ZNF718: variants seen among roughly 807,000 people sequenced by gnomAD.
ZNF718 encodes the protein zinc finger protein 718.
In ZNF718, 3 loss-of-function variants were observed where a neutral mutation model predicts 2.6. The ratio of observed to expected loss-of-function variants is 1.16; its 90% CI spans 0.53 to 3.01. ZNF718 has a LOEUF of 3.01. Among genes scored for constraint, ZNF718 ranks in the 30% most tolerant of loss-of-function variants. ZNF718 has a pLI of 0.03. For missense variants in ZNF718, 468 were observed against 230.0 expected (o/e 2.03, Z -6.69); for synonymous variants, 135 against 77.9 (o/e 1.73, Z -3.86).
chr4:146,546 T>C (rs1716073548), intron 3 of ZNF718, among the ~76,000 whole-genome samples: 1 of 152,140 alleles, frequency 6.6e-6, no homozygotes, highest in African/African-American at 2.4e-5. Flanking sequence ...GCTACTGATA[T>C]TTTGAGCCTC....
chr4:149,843 G>A (rs1481411301), intron 3 of ZNF718: 1 of 151,942 alleles, frequency 6.6e-6, no homozygotes, highest in Non-Finnish European at 1.5e-5. Context: ...TAATTTCTGA[G>A]GAATGTAACC....
intron 3 of ZNF718, among the ~76,000 whole-genome samples, chr4:170,623 C>A (rs1456397263): frequency 6.6e-6 from 1 of 152,182 alleles, no homozygotes; most frequent in African/African-American, 2.4e-5. Flanking sequence ...GATACCCTTT[C>A]TTCCAGTTGA....
intron 3 of ZNF718, among the ~76,000 whole-genome samples, chr4:151,334 G>C (rs1212274655): frequency 6.6e-6 from 1 of 151,936 alleles, no homozygotes; most frequent in Non-Finnish European, 1.5e-5. Flanking sequence ...TCAAACTCCT[G>C]AGCTCAGGCA....
downstream of ZNF718, among the ~76,000 whole-genome samples, chr4:166,308 A>T (rs535307168): frequency 6.6e-6 from 1 of 152,184 alleles, no homozygotes; most frequent in African/African-American, 2.4e-5. Flanking sequence ...TGCGATAAAC[A>T]TATGTGTGCA....
At chr4:157,940 A>G (rs28637724) in intron 3 of ZNF718, among the ~76,000 whole-genome samples, 2,000 of 152,234 alleles carry the variant, frequency 0.013, 50 homozygotes, top group African/African-American at 0.046. Context: ...AAAATATCCT[A>G]GTATAATTAT....
intron 3 of ZNF718, among the ~76,000 whole-genome samples, chr4:190,960 A>C (rs1157809263): frequency 1.3e-5 from 2 of 151,840 alleles, no homozygotes; most frequent in African/African-American, 4.8e-5. Flanking sequence ...AATCACTTGG[A>C]CCCAGGAGGC....
In ZNF718 at chr4:131,249, T is replaced by C. The variant is rs1319814909; in HGVS notation, c.131-161T>C. Among the ~76,000 whole-genome samples the C allele has an allele frequency of 1.1e-4, 11 of 104,362 alleles. 3 individuals are homozygous for C. The highest frequency in any genetic ancestry group is 2.3e-4 in the Non-Finnish European group (11 of 46,848). The allele number at this position is 104,362 out of a possible 152,430, so 68.5% of individuals were successfully genotyped here. ...GGTAGTGGAACTTAAAGCCCACAGATTTAAAATACTTAAATATTCTACAGA... is the reference window on the plus strand; with the variant it reads ...GGTAGTGGAACTTAAAGCCCACAGACTTAAAATACTTAAATATTCTACAGA... On this transcript the variant is annotated intron_variant, in intron 2 of 3. Transcript: ENST00000510175.
At chr4:138,310 A>ACAAT (rs1486742899) in intron 3 of ZNF718, among the ~76,000 whole-genome samples, 2 of 152,198 alleles carry the variant, frequency 1.3e-5, no homozygotes, top group Non-Finnish European at 2.9e-5. Context: ...GCCTCTGGTA[A>ACAAT]CAATCCTTCT....
chr4:124,558 C>G lies in ZNF718; in HGVS notation c.-113C>G. The G allele has an allele frequency of 6.7e-7, 1 of 1,486,924 alleles. No individual in the cohort carries two copies. Among genetic ancestry groups the G allele is most frequent in the Non-Finnish European group, 9.3e-7 (1 of 1,080,542 alleles). 92.1% of individuals were successfully genotyped at this position (1,486,924 alleles called of 1,614,324 possible). A position where few individuals can be genotyped will look rare whatever the true frequency, so the allele number is the denominator to read the frequency against. ...TTAGGGCCTCATCGCTCTGCTCCCG[C>G]TCCTTAGGGAAGCCTCGGTGATTCT... On this transcript the variant is annotated 5_prime_UTR_variant, in exon 1 of 4. Transcript: ENST00000510175.
chr4:184,465 T>C (rs1394701143), intron 3 of ZNF718, among the ~76,000 whole-genome samples: 2 of 152,106 alleles, frequency 1.3e-5, no homozygotes, highest in African/African-American at 4.8e-5. Context: ...TGGCCTGAAG[T>C]TTTCTTTTTT....
chr4:153,833 CA>C (rs1317186822), intron 3 of ZNF718, among the ~76,000 whole-genome samples: 1 of 151,884 alleles, frequency 6.6e-6, no homozygotes, highest in Non-Finnish European at 1.5e-5. Flanking sequence ...CTGAACAGAA[CA>C]AAAAAAGCAG....
In ZNF718 at chr4:182,725, G is replaced by A. The variant is rs181371122; in HGVS notation, c.227-18356G>A. Among the ~76,000 whole-genome samples, 26 of 152,102 alleles carry A rather than the reference G, an allele frequency of 1.7e-4. No homozygotes were observed. In the East Asian group the frequency reaches 4.7e-3, roughly 27 times the overall value. ...TGAGATTACAGGTGTGAGCCACTGCGTTTGGCTTGCTTTTTTCTAATGATC... is the reference window on the plus strand; with the variant it reads ...TGAGATTACAGGTGTGAGCCACTGCATTTGGCTTGCTTTTTTCTAATGATC... On this transcript the variant is annotated intron_variant and NMD_transcript_variant, in intron 3 of 4. Coordinates refer to the ZNF718 transcript ENST00000642529.
intron 3 of ZNF718, among the ~76,000 whole-genome samples, chr4:171,933 G>C (rs565571453): frequency 1.3e-5 from 2 of 152,166 alleles, no homozygotes; most frequent in East Asian, 1.9e-4. Flanking sequence ...CTTCTGCGTC[G>C]CTCACGCTGG....
chr4:172,146 T>C (rs998748102), intron 3 of ZNF718, among the ~76,000 whole-genome samples: 2 of 152,342 alleles, frequency 1.3e-5, no homozygotes, highest in South Asian at 2.1e-4. Context: ...CTTAGTCAAC[T>C]GTATTTACGT....
intron 3 of ZNF718, among the ~76,000 whole-genome samples, chr4:189,385 C>A (rs970929510): frequency 6.6e-6 from 1 of 151,826 alleles, no homozygotes; most frequent in African/African-American, 2.4e-5. Flanking sequence ...AATATGTTCC[C>A]AAATGGTTTT....
At chr4:165,611 C>T (rs536864505), downstream of ZNF718, among the ~76,000 whole-genome samples, 1 of 152,136 alleles carries the variant, frequency 6.6e-6, no homozygotes, top group African/African-American at 2.4e-5. Context: ...CCAGCCTGGC[C>T]AACATGGCAA....
intron 3 of ZNF718, among the ~76,000 whole-genome samples, chr4:172,361 A>G (rs1035107653): frequency 6.6e-6 from 1 of 152,236 alleles, no homozygotes; most frequent in Admixed American, 6.5e-5. Flanking sequence ...ATTTAAATAT[A>G]TAGTCATCTA....
chr4:146,333 C>T (rs1716063037), intron 3 of ZNF718, among the ~76,000 whole-genome samples: 2 of 151,904 alleles, frequency 1.3e-5, no homozygotes, highest in Non-Finnish European at 2.9e-5. Context: ...TTTCTCTGTT[C>T]ATTTGCACTT....
chr4:187,176 A>G (rs1480323552), intron 3 of ZNF718, among the ~76,000 whole-genome samples: 3 of 145,708 alleles, frequency 2.1e-5, no homozygotes, highest in African/African-American at 7.6e-5. Context: ...CTGGGGGTCC[A>G]CTCCAGGCTT....
Sources: gnomAD v4.1 joint callset for allele counts (sites outside exome capture counted in the v4.1 genomes callset) on GRCh38, gnomAD v4.1.1 for gene constraint, MANE v1.5 for transcripts, NCBI Gene and HGNC (gene_info 2026-07-23, HGNC 2026-07-21) for gene names.